The following SVEP1 variants were observed in gnomAD, a reference collection of about 807,000 sequenced individuals.
SVEP1 encodes sushi, von Willebrand factor type A, EGF and pentraxin domain containing 1, also known as sushi, von Willebrand factor type A, EGF and pentraxin domain-containing protein 1.
In SVEP1, 164 loss-of-function variants were observed where a neutral mutation model predicts 367.3. The ratio of observed to expected loss-of-function variants is 0.45; its 90% CI spans 0.39 to 0.51. The LOEUF (loss-of-function observed/expected upper bound fraction) is 0.51, where lower values mean the gene tolerates loss of function less well. Ranked by LOEUF, SVEP1 falls within the 20% of genes least tolerant of loss-of-function variation. The pLI is 0.00. For missense variants in SVEP1, 4,117 were observed against 4,425.3 expected (o/e 0.93, Z 1.98); for synonymous variants, 1,666 against 1,611.6 (o/e 1.03, Z -0.81).
chr9:110,463,210 TAAC>T (rs5899900), intron 18 of SVEP1, among the ~76,000 whole-genome samples: 104,811 of 150,524 alleles, frequency 0.7, 37,013 homozygotes, highest in African/African-American at 0.83. Context: ...GATCATATAT[TAAC>T]AACAACAACA....
Position 110,408,259 on chromosome 9 carries a change from G to C in SVEP1, c.7341C>G (p.Pro2447=). The C allele has an allele frequency of 6.2e-7, 1 of 1,613,996 alleles. No homozygotes were observed. The highest frequency in any genetic ancestry group is 8.5e-7 in the Non-Finnish European group (1 of 1,179,878). Reference sequence around the variant, plus strand: ...GGCCTTGCACATCAATGATTCCATTGGGGATTTCCTCAGGTTGGGGACATT... The same window carrying C: ...GGCCTTGCACATCAATGATTCCATTCGGGATTTCCTCAGGTTGGGGACATT... ...PVECPQPEEI[P]NGIIDVQGLA... The change falls in exon 38 of 48, where the codon CCC becomes CCG. Residue 2447 remains proline, a synonymous_variant. Coordinates refer to ENST00000374469, the MANE Select transcript of SVEP1 (RefSeq NM_153366.4).
At chr9:110,541,816 GA>G (rs1830150585) in intron 3 of SVEP1, among the ~76,000 whole-genome samples, 1 of 131,196 alleles carries the variant, frequency 7.6e-6, no homozygotes, top group Admixed American at 7.7e-5. Flanking sequence ...TATATACATA[GA>G]TATCTATATA....
chr9:110,409,941 G>A (rs1588040166), intron 37 of SVEP1, among the ~76,000 whole-genome samples: 1 of 152,108 alleles, frequency 6.6e-6, no homozygotes, highest in African/African-American at 2.4e-5. Flanking sequence ...AATCTGTGTT[G>A]TTAAATGCTA....
rs1830668666 is a variant in SVEP1 at position 110,579,512 on chromosome 9, C to T, written c.32G>A (p.Gly11Asp). 6.2e-7 allele frequency: 1 copy of T among 1,605,188 alleles called. No homozygotes were observed. The highest frequency in any genetic ancestry group is 8.5e-7 in the Non-Finnish European group (1 of 1,176,970). MWPRLAFCCWGLALVSGWATF... is the reference protein window; with the variant it reads MWPRLAFCCWDLALVSGWATF... Reference sequence around the variant, plus strand: ...CGCCCAGCCCGAAACGAGCGCCAGACCCCAGCAACAAAAGGCCAGGCGAGG... The same window carrying T: ...CGCCCAGCCCGAAACGAGCGCCAGATCCCAGCAACAAAAGGCCAGGCGAGG... The change falls in exon 1 of 48, where the codon GGT (glycine) becomes GAT (aspartate). Residue 11 changes from glycine to aspartate, a missense_variant. Around this residue, in one of 4 missense-constraint regions of SVEP1, gnomAD observed 17 missense variants for 27.5 expected, o/e 0.62. Coordinates refer to ENST00000374469, the MANE Select transcript of SVEP1 (RefSeq NM_153366.4). The surrounding 1 kb of genome is among the most constrained non-coding windows in gnomAD (Gnocchi z 5.3).
Position 110,411,174 on chromosome 9 carries a change from T to G in SVEP1, c.6537A>C (p.Lys2179Asn). 6.2e-7 allele frequency: 1 copy of G among 1,613,988 alleles called. No individual in the cohort carries two copies. The highest frequency in any genetic ancestry group is 8.5e-7 in the Non-Finnish European group (1 of 1,179,878). ...CTTCGCAGGTGCTCTTCTTTTCCCC[T>G]TTGATGTAGAACCCCTTGTTGCAGC... ...AYSCNKGFYI[K>N]GEKKSTCEAT... is the part of the protein sequence containing the mutation. Residue 2179 changes from lysine (K) to asparagine (N), a missense_variant, in exon 37 of 48, where the codon AAA (lysine) becomes AAC (asparagine). Lys to Asn is a moderately conservative substitution (Grantham distance 94). Around this residue, in one of 4 missense-constraint regions of SVEP1, gnomAD observed 1,765 missense variants for 1,781.1 expected, o/e 0.99. Coordinates refer to ENST00000374469, the MANE Select transcript of SVEP1 (RefSeq NM_153366.4).
chr9:110,430,154 G>A (rs1828329354), intron 33 of SVEP1, 120 bp downstream of exon 33: 1 of 1,093,916 alleles, frequency 9.1e-7, no homozygotes, highest in Non-Finnish European at 1.3e-6. Flanking sequence ...GTTTAAACAT[G>A]AGCCTAATAC....
At chr9:110,404,956 G>A (rs1210448899) in intron 38 of SVEP1, among the ~76,000 whole-genome samples, 1 of 152,100 alleles carries the variant, frequency 6.6e-6, no homozygotes, top group Non-Finnish European at 1.5e-5. Context: ...AACTAAGGAG[G>A]TTGAGGCTGC....
chr9:110,454,379 G>A (rs1001311052), intron 22 of SVEP1, among the ~76,000 whole-genome samples: 1 of 152,086 alleles, frequency 6.6e-6, no homozygotes, highest in Middle Eastern at 3.2e-3. Context: ...GTTAATTTTT[G>A]TATATGGTGA....
chr9:110,435,093 T>C, intron 29 of SVEP1, 148 bp downstream of exon 29: 1 of 816,372 alleles, frequency 1.2e-6, no homozygotes, highest in Non-Finnish European at 1.7e-6. Context: ...TGGATGAAAA[T>C]AGGGTAAATA....
chr9:110,491,069 G>C (rs1829358806), intron 8 of SVEP1, among the ~76,000 whole-genome samples: 1 of 151,790 alleles, frequency 6.6e-6, no homozygotes, highest in African/African-American at 2.4e-5. Flanking sequence ...TATGATTTGA[G>C]AGTATAACTT....
At chr9:110,397,908 C>T (rs1460997944) in intron 40 of SVEP1, among the ~76,000 whole-genome samples, 1 of 151,838 alleles carries the variant, frequency 6.6e-6, no homozygotes, top group Non-Finnish European at 1.5e-5. Flanking sequence ...ATGAAAATGG[C>T]CATGCTGCCC....
Position 110,503,039 on chromosome 9 carries a change from C to T in SVEP1, c.1482G>A (p.Val494=). The T allele has an allele frequency of 6.2e-7, 1 of 1,609,754 alleles. No homozygotes were observed. The highest frequency in any genetic ancestry group is 8.5e-7 in the Non-Finnish European group (1 of 1,178,350). The change falls in exon 6 of 48, where the codon GTG becomes GTA. Residue 494 remains valine, a splice_region_variant and synonymous_variant. Transcript: ENST00000374469. ...SQWDGPEPRC[V]ERHCSTFQMP... is the part of the protein sequence containing the mutation. The stretch of plus-strand genomic sequence containing the variant: ...GCATTACACCTTCTAGAAACTTACC[C>T]ACACACCGGGGTTCTGGCCCATCCC...
chr9:110,467,526 T>C (rs1213472328), intron 17 of SVEP1, among the ~76,000 whole-genome samples: 1 of 151,642 alleles, frequency 6.6e-6, no homozygotes. Flanking sequence ...ATCACGGGGG[T>C]GGATTTCTCA....
chr9:110,387,645 G>A (rs1044400764), intron 41 of SVEP1, among the ~76,000 whole-genome samples, 187 bp from the exon 42 acceptor site: 40 of 152,292 alleles, frequency 2.6e-4, no homozygotes, highest in African/African-American at 9.1e-4. Flanking sequence ...ATACATGCAT[G>A]CAATTAAAGA....
rs997869670 is a variant in SVEP1 at position 110,375,363 on chromosome 9, C to T, written c.10600+5G>A. The T allele has an allele frequency of 1.4e-5, 21 of 1,545,376 alleles. No homozygotes were observed. Among genetic ancestry groups the T allele is most frequent in the Non-Finnish European group, 1.7e-5 (19 of 1,144,756 alleles). On this transcript the variant is annotated splice_donor_5th_base_variant and intron_variant, in intron 46 of 47. Coordinates refer to ENST00000374469, the MANE Select transcript of SVEP1 (RefSeq NM_153366.4). ...CCAAGAAAACAAACCATGAAAGAGG[C>T]CTACCTGTATGACAGCGAGACCCCG...
chr9:110,424,662 T>G (rs571984756), intron 36 of SVEP1, among the ~76,000 whole-genome samples: 32 of 152,284 alleles, frequency 2.1e-4, no homozygotes, highest in Non-Finnish European at 3.8e-4. Context: ...GAGAATTTTA[T>G]TTTTTGGCAT....
chr9:110,502,891 G>A, intron 6 of SVEP1, 147 bp downstream of exon 6: 1 of 703,680 alleles, frequency 1.4e-6, no homozygotes, highest in Non-Finnish European at 2.2e-6. Flanking sequence ...ATCTGTTTTT[G>A]TATCTGTAAC....
chr9:110,479,792 AGT>A (rs1377444362), intron 12 of SVEP1, 36 bp from the exon 13 acceptor site: 1 of 1,577,112 alleles, frequency 6.3e-7, no homozygotes, highest in Non-Finnish European at 8.5e-7. Context: ...TCAGTTGGTT[AGT>A]GTTTTTAAAA....
At chr9:110,456,616 T>C (rs1828779055) in intron 21 of SVEP1, among the ~76,000 whole-genome samples, 1 of 152,224 alleles carries the variant, frequency 6.6e-6, no homozygotes, top group Admixed American at 6.5e-5. Context: ...AACTTTCAAG[T>C]TGGTTGTATA....
Sources: gnomAD v4.1 joint callset for allele counts (sites outside exome capture counted in the v4.1 genomes callset) on GRCh38, gnomAD v4.1.1 for gene constraint, gnomAD v4.1.1 regional missense constraint, Gnocchi (gnomAD v3.1) non-coding constraint, MANE v1.5 for transcripts, NCBI Gene and HGNC (gene_info 2026-07-23, HGNC 2026-07-21) for gene names.